The following HEPACAM2 variants were observed in gnomAD, a reference collection of about 807,000 sequenced individuals.
HEPACAM2 encodes the protein HEPACAM family member 2, also known as mitotic kinetics regulator.
Under a neutral mutation model 49.6 loss-of-function variants are expected in HEPACAM2, and 49 were observed. That is an observed-to-expected ratio of 0.99 (90% CI 0.78 to 1.25). The LOEUF is 1.25. Ranked by LOEUF, HEPACAM2 falls within the 50% of genes most tolerant of loss-of-function variation. HEPACAM2 has a pLI of 0.00. For synonymous variants in HEPACAM2, 197 were observed against 202.9 expected, an observed-to-expected ratio of 0.97 and a Z score of 0.25; for missense variants, 525 against 557.2, an observed-to-expected ratio of 0.94 and a Z score of 0.58.
At chr7:93,211,447 G>A (rs1319903351) in intron 3 of HEPACAM2, among the ~76,000 whole-genome samples, 1 of 152,032 alleles carries the variant, frequency 6.6e-6, no homozygotes, top group Non-Finnish European at 1.5e-5. Flanking sequence ...GTTTAGAACA[G>A]TGTGCTGTCA....
chr7:93,217,725 C>T (rs1794338343), intron 2 of HEPACAM2, among the ~76,000 whole-genome samples: 1 of 152,050 alleles, frequency 6.6e-6, no homozygotes, highest in Non-Finnish European at 1.5e-5. Context: ...CTAGGGACCT[C>T]ATATTCTAGG....
In HEPACAM2 at chr7:93,208,824, T is replaced by C; in HGVS notation, c.768A>G (p.Glu256=). 2 of 1,612,308 alleles carry C rather than the reference T, an allele frequency of 1.2e-6. No individual in the cohort carries two copies. Among genetic ancestry groups the C allele is most frequent in the Non-Finnish European group, 1.7e-6 (2 of 1,178,970 alleles). ...CCTCTCCAAGGTCAACAGTAAACACTTCCCCTACTTTTAGCCCTTTATCAG... is the reference window on the plus strand; with the variant it reads ...CCTCTCCAAGGTCAACAGTAAACACCTCCCCTACTTTTAGCCCTTTATCAG... The part of the protein sequence containing the change: ...VNSDKGLKVG[E]VFTVDLGEAI... The change falls in exon 4 of 10, where the codon GAA becomes GAG. Residue 256 remains glutamate, a synonymous_variant. Coordinates refer to ENST00000394468, the MANE Select transcript of HEPACAM2 (RefSeq NM_001039372.4).
chr7:93,195,203 T>C (rs1418371158), intron 8 of HEPACAM2, among the ~76,000 whole-genome samples: 1 of 152,046 alleles, frequency 6.6e-6, no homozygotes, highest in East Asian at 1.9e-4. Context: ...ATGACTTAAA[T>C]TAGGGTCTCC....
At chr7:93,204,990 C>T (rs1181303631) in intron 4 of HEPACAM2, among the ~76,000 whole-genome samples, 2 of 151,694 alleles carry the variant, frequency 1.3e-5, no homozygotes. Flanking sequence ...ATCCCAGCTA[C>T]TTGGGGGACT....
chr7:93,190,134 GT>G (rs1218966975), intron 9 of HEPACAM2, among the ~76,000 whole-genome samples: 5 of 151,994 alleles, frequency 3.3e-5, no homozygotes, highest in Non-Finnish European at 7.4e-5. Context: ...TCCTGGAAAT[GT>G]TTGTGAAGTG....
At chr7:93,195,253 G>T (rs1473702396) in intron 8 of HEPACAM2, among the ~76,000 whole-genome samples, 1 of 151,974 alleles carries the variant, frequency 6.6e-6, no homozygotes, top group Non-Finnish European at 1.5e-5. Flanking sequence ...TTTGAGACAG[G>T]GTCTTACTCT....
chr7:93,192,357 T>G lies in HEPACAM2; in HGVS notation c.1282A>C (p.Ser428Arg), dbSNP rs150016337. The G allele has an allele frequency of 1.8e-3, 2,965 of 1,610,446 alleles. 7 individuals carry two copies. Among genetic ancestry groups the G allele is most frequent in the Non-Finnish European group, 2.3e-3 (2,728 of 1,177,500 alleles). Residue 428 changes from serine to arginine, a missense_variant, in exon 9 of 10, where the codon AGC (serine) becomes CGC (arginine). Physicochemically the swap from Ser to Arg is moderately radical, Grantham distance 110. Coordinates refer to ENST00000394468, the MANE Select transcript of HEPACAM2 (RefSeq NM_001039372.4). Reference sequence around the variant, plus strand: ...CAATCAGAGGCTGGAACAGACCTGCTTGGGATCTAGAAAATGTGATACATT... The same window carrying G: ...CAATCAGAGGCTGGAACAGACCTGCGTGGGATCTAGAAAATGTGATACATT... ...PDVSGVSRIP[S>R]RSVPASDCVS...
chr7:93,199,938 G>A (rs1793837779), intron 4 of HEPACAM2, among the ~76,000 whole-genome samples: 1 of 151,832 alleles, frequency 6.6e-6, no homozygotes. Context: ...GAAGTCTGTT[G>A]CTTAATTTTC....
intron 4 of HEPACAM2, 130 bp downstream of exon 4, chr7:93,208,450 G>A: frequency 1.2e-6 from 1 of 802,854 alleles, no homozygotes. Context: ...ACTTTGGAAA[G>A]AGAGATTTTT....
At chr7:93,204,211 A>T (rs1793966744) in intron 4 of HEPACAM2, among the ~76,000 whole-genome samples, 1 of 152,188 alleles carries the variant, frequency 6.6e-6, no homozygotes, top group Admixed American at 6.5e-5. Context: ...TATTATGGAT[A>T]AATCTCAAAC....
intron 4 of HEPACAM2, among the ~76,000 whole-genome samples, chr7:93,204,288 G>A (rs973937905): frequency 1.3e-5 from 2 of 152,012 alleles, no homozygotes; most frequent in African/African-American, 4.8e-5. Context: ...GTGAACATTT[G>A]AATACTGATC....
Position 93,196,357 on chromosome 7 carries a change from A to G in HEPACAM2, c.1202-456T>C, listed in dbSNP as rs192171341. Among the ~76,000 whole-genome samples, 3 of 152,272 alleles carry G rather than the reference A, an allele frequency of 2.0e-5. No individual in the cohort carries two copies. The East Asian group carries it at 5.8e-4, about 29-fold the overall frequency. ...AATAGCTAACTGAAGCTTCCCATAC[A>G]TAAAAAGTAAAATACATTACACTAT... On this transcript the variant is annotated intron_variant, in intron 7 of 9. Transcript: ENST00000394468.
intron 3 of HEPACAM2, among the ~76,000 whole-genome samples, chr7:93,211,517 T>G (rs1427047747): frequency 6.6e-6 from 1 of 152,038 alleles, no homozygotes; most frequent in African/African-American, 2.4e-5. Flanking sequence ...GGAACAAAAA[T>G]TTGTTTTTGC....
At chr7:93,221,145 G>A (rs1360108997) in intron 1 of HEPACAM2, among the ~76,000 whole-genome samples, 1 of 152,132 alleles carries the variant, frequency 6.6e-6, no homozygotes, top group Non-Finnish European at 1.5e-5. Context: ...TTGCTATTGG[G>A]AATGTTTCAC....
chr7:93,193,631 G>T (rs999758197), intron 8 of HEPACAM2, among the ~76,000 whole-genome samples: 3 of 151,998 alleles, frequency 2.0e-5, no homozygotes, highest in African/African-American at 7.2e-5. Context: ...TTGAGTCAGG[G>T]TCTCGCTATG....
upstream of HEPACAM2, among the ~76,000 whole-genome samples, chr7:93,230,555 T>C (rs962132112): frequency 1.3e-5 from 2 of 152,230 alleles, no homozygotes; most frequent in Non-Finnish European, 2.9e-5. Context: ...AGATTATTAA[T>C]CAAAGTGCTT....
intron 2 of HEPACAM2, 149 bp downstream of exon 2, chr7:93,218,952 T>A (rs1399701348): frequency 1.6e-6 from 1 of 634,532 alleles, no homozygotes; most frequent in Non-Finnish European, 2.7e-6. Flanking sequence ...GATAATGTCA[T>A]TAGTGCCATG....
intron 8 of HEPACAM2, 86 bp from the exon 9 acceptor site, chr7:93,192,449 C>A: frequency 6.5e-6 from 6 of 929,492 alleles, no homozygotes; most frequent in Admixed American, 2.0e-5. Flanking sequence ...AAACAACTGG[C>A]AGTAGTGATG....
intron 8 of HEPACAM2, among the ~76,000 whole-genome samples, chr7:93,192,980 G>T (rs1218336807): frequency 6.6e-6 from 1 of 152,024 alleles, no homozygotes; most frequent in Non-Finnish European, 1.5e-5. Context: ...ATTGAAAGTG[G>T]TATTTGTGTT....
Sources: allele counts gnomAD v4.1 joint callset (sites outside exome capture counted in the v4.1 genomes callset), GRCh38; gene constraint gnomAD v4.1.1; transcripts MANE v1.5; gene names NCBI Gene and HGNC (gene_info 2026-07-23, HGNC 2026-07-21).